Variants in ADGRF3 observed in about 807,000 individuals in gnomAD.
ADGRF3 encodes the protein G protein-coupled receptor 113.
In ADGRF3, 85 loss-of-function variants were observed where a neutral mutation model predicts 93.2. The ratio of observed to expected loss-of-function variants is 0.91; its 90% CI spans 0.77 to 1.09. The LOEUF is 1.09. ADGRF3 is among the 50% of genes least tolerant of loss of function. The probability of loss-of-function intolerance (pLI) is 0.00; values close to 1 mark genes in which losing one functional copy is unlikely to be tolerated. For missense variants in ADGRF3, 1,125 were observed against 1,246.2 expected (o/e 0.90, Z 1.46); for synonymous variants, 534 against 532.5 (o/e 1.00, Z -0.04).
At position 26,319,042 on chromosome 2, in the gene ADGRF3, C is replaced by T. The variant is rs1166141731; in HGVS notation, c.115-1480G>A. On this transcript the variant is annotated intron_variant, in intron 1 of 13. Transcript: ENST00000651242. Reference sequence around the variant, plus strand: ...CAGGAGCAGCAGTGGGGCAGCCGAACAGACCATGGCTCAGTGAAGCAGTCC... The same window carrying T: ...CAGGAGCAGCAGTGGGGCAGCCGAATAGACCATGGCTCAGTGAAGCAGTCC... 6 of 1,550,076 alleles carry T rather than the reference C, an allele frequency of 3.9e-6. No individual in the cohort carries two copies. Among genetic ancestry groups the T allele is most frequent in the Non-Finnish European group, 4.4e-6 (5 of 1,146,104 alleles).
intron 2 of ADGRF3, 140 bp downstream of exon 2, chr2:26,317,356 G>A (rs889164788): frequency 6.2e-6 from 5 of 806,336 alleles, no homozygotes; most frequent in African/African-American, 3.4e-5. Context: ...AGACCTGTCC[G>A]ACTGTGATCA....
At chr2:26,318,749 A>G in intron 1 of ADGRF3, 6 of 690,930 alleles carry the variant, frequency 8.7e-6, no homozygotes, top group South Asian at 2.1e-5. Context: ...AGGGACTCAA[A>G]TAAGGAAACA....
rs760847962 is a variant in ADGRF3, at chr2:26,313,547, C to T, written c.1099G>A (p.Ala367Thr). ...GTGACATTCCAGGTGAGCACCGAGGCGTCCTCAGGGCAGGTGATGTCTCCA... is the reference window on the plus strand; with the variant it reads ...GTGACATTCCAGGTGAGCACCGAGGTGTCCTCAGGGCAGGTGATGTCTCCA... Reference protein sequence around the residue: ...QDGDITCPEDASVLTWNVTKA... With the variant: ...QDGDITCPEDTSVLTWNVTKA... The change falls in exon 8 of 14, where the codon GCC becomes ACC. Residue 367 changes from alanine (A) to threonine (T), a missense_variant. Coordinates refer to ENST00000651242, the MANE Select transcript of ADGRF3 (RefSeq NM_001321971.2). 15 of 1,608,284 alleles carry T rather than the reference C, an allele frequency of 9.3e-6. No homozygotes were observed. Among genetic ancestry groups the T allele is most frequent in the African/African-American group, 2.7e-5 (2 of 74,870 alleles).
At chr2:26,345,008 G>T (rs1366562662) in intron 1 of ADGRF3, among the ~76,000 whole-genome samples, 1 of 152,040 alleles carries the variant, frequency 6.6e-6, no homozygotes, top group African/African-American at 2.4e-5. Context: ...CAAAATAATC[G>T]CCCTTATTTC....
chr2:26,310,527 G>C (rs1265162886), intron 10 of ADGRF3, among the ~76,000 whole-genome samples, 165 bp downstream of exon 10: 1 of 152,192 alleles, frequency 6.6e-6, no homozygotes, highest in Non-Finnish European at 1.5e-5. Flanking sequence ...TTTGTCCAAA[G>C]TTATCCAGCT....
chr2:26,340,175 A>C (rs1391477231), intron 1 of ADGRF3, among the ~76,000 whole-genome samples: 1 of 151,930 alleles, frequency 6.6e-6, no homozygotes, highest in African/African-American at 2.4e-5. Context: ...GTCTGATTTA[A>C]AAAAAAATAG....
intron 1 of ADGRF3, chr2:26,318,842 T>C: frequency 6.8e-7 from 1 of 1,478,460 alleles, no homozygotes; most frequent in Middle Eastern, 1.7e-4. Flanking sequence ...TACACATTAC[T>C]TCCTCTCCCC....
intron 1 of ADGRF3, among the ~76,000 whole-genome samples, chr2:26,325,659 T>C (rs1273874138): frequency 6.6e-6 from 1 of 152,216 alleles, no homozygotes; most frequent in Non-Finnish European, 1.5e-5. Context: ...TATATACAAA[T>C]AAACCTATGG....
intron 1 of ADGRF3, chr2:26,345,876 T>TC: frequency 1.9e-6 from 1 of 524,362 alleles, no homozygotes. Flanking sequence ...TCTCTTGCCT[T>TC]ACCTCAGCTC....
rs1673877628 is a variant in ADGRF3, at chr2:26,309,703, G to T, written c.2938-122C>A. 2.1e-6 allele frequency: 3 copies of T among 1,408,062 alleles called. No homozygotes were observed. In the East Asian group the frequency reaches 7.4e-5, roughly 35 times the overall value. 87.2% of individuals were successfully genotyped at this position (1,408,062 alleles called of 1,614,324 possible). ...TCCTGCCTGTGCTGCAGGAATCCTA[G>T]AAATTTTGCTCTCAGCTACAGTAAC... On this transcript the variant is annotated intron_variant, in intron 12 of 13. Transcript: ENST00000651242.
chr2:26,340,555 T>G (rs1344610054), intron 1 of ADGRF3: 2 of 152,248 alleles, frequency 1.3e-5, no homozygotes, highest in Admixed American at 6.5e-5. Flanking sequence ...TTTGGTTGCA[T>G]CTGCATACCT....
intron 11 of ADGRF3, 24 bp from the exon 12 acceptor site, chr2:26,310,129 C>T (rs927728765): frequency 6.2e-7 from 1 of 1,614,038 alleles, no homozygotes; most frequent in Admixed American, 1.7e-5. Flanking sequence ...AAATGCTCTG[C>T]TTATGCCAGC....
Position 26,308,992 on chromosome 2 carries a change from G to T in ADGRF3, c.*94C>A. On this transcript the variant is annotated 3_prime_UTR_variant, in exon 14 of 14. Transcript: ENST00000651242. ...TTTCTCAAGGGCTGAGCTCCGGGAG[G>T]CGGGAAGAGTTCAGAGCATTGGGCC... The T allele has an allele frequency of 3.9e-6, 6 of 1,557,056 alleles. No individual in the cohort carries two copies. The highest frequency in any genetic ancestry group is 1.8e-4 in the Middle Eastern group (1 of 5,406).
At chr2:26,346,012 C>T (rs1676712321) in intron 1 of ADGRF3, 109 bp downstream of exon 1, 2 of 1,185,358 alleles carry the variant, frequency 1.7e-6, no homozygotes, top group Middle Eastern at 2.4e-4. Context: ...GGCTAGCAAC[C>T]CCCCCTCGAT....
intron 1 of ADGRF3, among the ~76,000 whole-genome samples, chr2:26,321,430 A>C (rs1675142382): frequency 1.3e-5 from 2 of 152,166 alleles, no homozygotes; most frequent in Non-Finnish European, 2.9e-5. Context: ...CATCTGCTGC[A>C]GTCTCCAAAT....
chr2:26,317,813 T>C (rs959516663), intron 1 of ADGRF3, among the ~76,000 whole-genome samples: 3 of 152,180 alleles, frequency 2.0e-5, no homozygotes, highest in Admixed American at 2.0e-4. Context: ...TTTGTTTAAT[T>C]CCTTCCTGCG....
chr2:26,331,785 G>T (rs1393870127), intron 1 of ADGRF3, among the ~76,000 whole-genome samples: 1 of 151,646 alleles, frequency 6.6e-6, no homozygotes, highest in Non-Finnish European at 1.5e-5. Flanking sequence ...AAAACCTTTA[G>T]ATATCTGTTA....
At chr2:26,322,344 G>A (rs985094780) in intron 1 of ADGRF3, among the ~76,000 whole-genome samples, 2 of 151,512 alleles carry the variant, frequency 1.3e-5, no homozygotes, top group Non-Finnish European at 2.9e-5. Flanking sequence ...AGCTGGAGAG[G>A]TCCTCCGTAT....
Position 26,312,905 on chromosome 2 carries a change from C to T in ADGRF3, c.1449+38G>A, listed in dbSNP as rs759473491. 5 of 1,560,236 alleles carry T rather than the reference C, an allele frequency of 3.2e-6. No individual in the cohort carries two copies. The East Asian group carries it at 1.2e-4, about 37-fold the overall frequency. On this transcript the variant is annotated intron_variant, in intron 9 of 13. Transcript: ENST00000651242. ...CAGGTGGGGAGTCTTCAGCCCCCGA[C>T]TGCCCAGCTGGCCCCCACTGTGGCT...
Sources: gnomAD v4.1 joint callset for allele counts (sites outside exome capture counted in the v4.1 genomes callset) on GRCh38, gnomAD v4.1.1 for gene constraint, MANE v1.5 for transcripts, NCBI Gene and HGNC (gene_info 2026-07-23, HGNC 2026-07-21) for gene names.